The following ZZEF1 variants were observed in gnomAD, a reference collection of about 807,000 sequenced individuals.
The protein encoded by ZZEF1 is zinc finger ZZ-type and EF-hand domain containing 1, also known as zinc finger ZZ-type and EF-hand domain-containing protein 1.
A neutral mutation model predicts 342.8 loss-of-function variants in ZZEF1; 157 were observed. The ratio of observed to expected loss-of-function variants is 0.46; its 90% confidence interval spans 0.40 to 0.52. The LOEUF is 0.52. ZZEF1 is among the 20% of genes least tolerant of loss of function. The pLI is 0.00. For missense variants in ZZEF1, 3,480 were observed against 3,725.6 expected (o/e 0.93, Z 1.72); for synonymous variants, 1,505 against 1,429.1 (o/e 1.05, Z -1.20).
chr17:4,068,047 T>C (rs1452312105), intron 26 of ZZEF1, among the ~76,000 whole-genome samples: 1 of 152,156 alleles, frequency 6.6e-6, no homozygotes, highest in African/African-American at 2.4e-5. Flanking sequence ...CCCTGCACTC[T>C]AGCCTAGGCA....
chr17:4,051,964 G>C lies in ZZEF1; in HGVS notation c.5600+7C>G. ...AGGCTTGGTGGCGACGGTCACTTGAGACATACCCGTAGGAGTATTTCTTCG... is the reference window on the plus strand; with the variant it reads ...AGGCTTGGTGGCGACGGTCACTTGACACATACCCGTAGGAGTATTTCTTCG... On this transcript the variant is annotated splice_region_variant and intron_variant, in intron 35 of 54. Coordinates refer to ENST00000381638, the MANE Select transcript of ZZEF1 (RefSeq NM_015113.4). 1 of 1,613,024 alleles carries C rather than the reference G, an allele frequency of 6.2e-7. No individual in the cohort carries two copies.
chr17:4,088,964 G>A, intron 12 of ZZEF1, 71 bp from the exon 13 acceptor site: 1 of 1,456,026 alleles, frequency 6.9e-7, no homozygotes, highest in Non-Finnish European at 9.4e-7. Context: ...AGGGAAAAAG[G>A]CCTTTCCGGG....
Position 4,021,166 on chromosome 17 carries a change from A to T in ZZEF1, c.7367T>A (p.Leu2456His). ...TCTGGTGGGCTCATCCAGGCCCTCAAGGGGGTCCAGCTTTTTCTGCTCTGG... is the reference window on the plus strand; with the variant it reads ...TCTGGTGGGCTCATCCAGGCCCTCATGGGGGTCCAGCTTTTTCTGCTCTGG... ...GDPEQKKLDP[L>H]EGLDEPTRIC... Residue 2456 changes from leucine (L) to histidine (H), a missense_variant, in exon 45 of 55, where the codon CTT becomes CAT. Leu to His is a moderately conservative substitution (Grantham distance 99). Around this residue, in one of 5 missense-constraint regions of ZZEF1, gnomAD observed 1,269 missense variants for 1,342.4 expected, o/e 0.95. Coordinates refer to ENST00000381638, the MANE Select transcript of ZZEF1 (RefSeq NM_015113.4). The T allele has an allele frequency of 6.2e-7, 1 of 1,613,958 alleles. No individual in the cohort carries two copies. Among genetic ancestry groups the T allele is most frequent in the Non-Finnish European group, 8.5e-7 (1 of 1,179,926 alleles).
chr17:4,088,550 T>C lies in ZZEF1; in HGVS notation c.2241+128A>G, dbSNP rs2145371064. The C allele has an allele frequency of 6.1e-6, 6 of 983,000 alleles. No homozygotes were observed. In the South Asian group the frequency reaches 9.6e-5, roughly 16 times the overall value. 60.9% of individuals were successfully genotyped at this position (983,000 alleles called of 1,614,324 possible). A position where few individuals can be genotyped will look rare whatever the true frequency, so the allele number is the denominator to read the frequency against. ...CACTTTCCTCAGCTTTTCATGTCCC[T>C]GCAGCAGTACAATGCCCATCCTATT... On this transcript the variant is annotated intron_variant, in intron 13 of 54. Transcript: ENST00000381638.
intron 9 of ZZEF1, among the ~76,000 whole-genome samples, chr17:4,100,211 A>T (rs1055510845): frequency 2.6e-5 from 4 of 152,194 alleles, no homozygotes; most frequent in African/African-American, 9.7e-5. Context: ...CAAACCCAAC[A>T]GCTCTGGCCA....
intron 24 of ZZEF1, 65 bp from the exon 25 acceptor site, chr17:4,072,821 T>C (rs924182961): frequency 2.4e-5 from 35 of 1,473,662 alleles, no homozygotes; most frequent in Middle Eastern, 1.9e-4. Context: ...ATCTTTGAAA[T>C]GAGAAAGAAA....
chr17:4,139,398 T>C (rs1335175940), intron 1 of ZZEF1, among the ~76,000 whole-genome samples: 1 of 152,242 alleles, frequency 6.6e-6, no homozygotes, highest in Non-Finnish European at 1.5e-5. Flanking sequence ...TGTTTTACCA[T>C]GTTAGCTCTT....
intron 18 of ZZEF1, 83 bp from the exon 19 acceptor site, chr17:4,078,125 C>G: frequency 2.1e-6 from 3 of 1,399,884 alleles, no homozygotes; most frequent in Non-Finnish European, 2.9e-6. Flanking sequence ...AAAGCAGCAG[C>G]TGTCACCAGC....
At position 4,114,209 on chromosome 17, in the gene ZZEF1, T is replaced by C. The variant is rs2058358019; in HGVS notation, c.866+90A>G. The C allele has an allele frequency of 3.6e-6, 4 of 1,107,202 alleles. No individual in the cohort carries two copies. In the South Asian group the frequency reaches 9.4e-5, roughly 26 times the overall value. The allele number at this position is 1,107,202 out of a possible 1,614,324, so 68.6% of individuals were successfully genotyped here. On this transcript the variant is annotated intron_variant, in intron 4 of 54. Transcript: ENST00000381638. ...CATTTTACTTGATTCTTAAAGCATC[T>C]TCATAGCCACTTAAAATACAAAGAG...
At chr17:4,054,281 T>C (rs1239667195) in intron 33 of ZZEF1, 86 bp from the exon 34 acceptor site, 48 of 1,428,598 alleles carry the variant, frequency 3.4e-5, no homozygotes, top group Non-Finnish European at 4.4e-5. Context: ...CACTAGGTAC[T>C]GAAGATGTTC....
intron 42 of ZZEF1, among the ~76,000 whole-genome samples, chr17:4,025,952 T>C (rs2056393985): frequency 6.6e-6 from 1 of 151,980 alleles, no homozygotes; most frequent in Non-Finnish European, 1.5e-5. Context: ...AATCCAGCAG[T>C]CTCAATGAAT....
Position 4,017,293 on chromosome 17 carries a change from G to C in ZZEF1, c.8001+78C>G. On this transcript the variant is annotated intron_variant, in intron 48 of 54. Coordinates refer to ENST00000381638, the MANE Select transcript of ZZEF1 (RefSeq NM_015113.4). This position sits in a 1 kb window ranked among gnomAD's most constrained non-coding sequence, Gnocchi z 5.1. ...CAGCCACACAGGTAGCCTCGCTCCA[G>C]GAAGCACTCACTGGAGGAAGCCTGT... 1 of 1,525,976 alleles carries C rather than the reference G, an allele frequency of 6.6e-7. No homozygotes were observed. The highest frequency in any genetic ancestry group is 8.8e-7 in the Non-Finnish European group (1 of 1,138,272). 94.5% of individuals were successfully genotyped at this position (1,525,976 alleles called of 1,614,324 possible). A position where few individuals can be genotyped will look rare whatever the true frequency, so the allele number is the denominator to read the frequency against.
intron 19 of ZZEF1, 74 bp from the exon 20 acceptor site, chr17:4,077,063 G>C: frequency 7.2e-7 from 1 of 1,381,858 alleles, no homozygotes; most frequent in African/African-American, 1.5e-5. Flanking sequence ...CCACAGACAA[G>C]AATAAAGAGA....
chr17:4,021,311 T>C lies in ZZEF1; in HGVS notation c.7222A>G (p.Ile2408Val). 6.3e-7 allele frequency: 1 copy of C among 1,599,344 alleles called. No individual in the cohort carries two copies. The highest frequency in any genetic ancestry group is 1.1e-5 in the South Asian group (1 of 89,016). The change falls in exon 45 of 55, where the codon ATC (isoleucine) becomes GTC (valine). Residue 2408 changes from isoleucine (I) to valine (V), a missense_variant. This residue lies in a region of ZZEF1 where 1,269 missense variants were observed against 1,342.4 expected (regional missense o/e 0.95). Transcript: ENST00000381638. ...TCCTTTTTTGAGGAGTACAGCATGA[T>C]GGACAAAATCTACACAGAAAGAAAA... ...WLLRDLEILS[I>V]MLYSSKKEIN...
chr17:4,012,476 T>G (rs1465050498), intron 52 of ZZEF1, among the ~76,000 whole-genome samples: 1 of 152,210 alleles, frequency 6.6e-6, no homozygotes, highest in Non-Finnish European at 1.5e-5. Context: ...TCTGTGTCTG[T>G]GTGCCTTAGA....
intron 14 of ZZEF1, among the ~76,000 whole-genome samples, chr17:4,087,172 G>A (rs1283319490): frequency 2.6e-5 from 4 of 152,166 alleles, no homozygotes; most frequent in South Asian, 4.1e-4. Context: ...GAGCCACCGC[G>A]CCCAGGCAGG....
Position 4,142,813 on chromosome 17 carries a change from GCC to G in ZZEF1, c.81_82del (p.Trp27CysfsTer86). The G allele has an allele frequency of 2.8e-6, 4 of 1,409,416 alleles. No individual in the cohort carries two copies. Among genetic ancestry groups the G allele is most frequent in the Non-Finnish European group, 3.7e-6 (4 of 1,094,174 alleles). The allele number at this position is 1,409,416 out of a possible 1,614,324, so 87.3% of individuals were successfully genotyped here. On this transcript the variant is annotated frameshift_variant, in exon 1 of 55. Coordinates refer to ENST00000381638, the MANE Select transcript of ZZEF1 (RefSeq NM_015113.4). LOFTEE classifies it high-confidence loss of function. ...GCCGGGGGTCGTGCCCGAGACCGCG[GCC>G]CAGTCCTGGTGTGGGCCCCAGCCCT...
chr17:4,076,994 C>T lies in ZZEF1; in HGVS notation c.2990-5G>A, dbSNP rs778476294. On this transcript the variant is annotated splice_polypyrimidine_tract_variant and splice_region_variant and intron_variant, in intron 19 of 54. Transcript: ENST00000381638. ...TTGCCAGAAACTGGCCCACATCTACCGAAACAAAGAAAATAATTAATATAT... is the reference window on the plus strand; with the variant it reads ...TTGCCAGAAACTGGCCCACATCTACTGAAACAAAGAAAATAATTAATATAT... 6.8e-6 allele frequency: 11 copies of T among 1,608,984 alleles called. No individual in the cohort carries two copies. The highest frequency in any genetic ancestry group is 2.2e-5 in the East Asian group (1 of 44,776).
chr17:4,103,019 C>T (rs2058152576), intron 8 of ZZEF1, among the ~76,000 whole-genome samples: 1 of 151,784 alleles, frequency 6.6e-6, no homozygotes. Flanking sequence ...AGAACATTAC[C>T]CCATTCCTTC....
Sources: gnomAD v4.1 joint callset for allele counts (sites outside exome capture counted in the v4.1 genomes callset) on GRCh38, gnomAD v4.1.1 for gene constraint, gnomAD v4.1.1 regional missense constraint, Gnocchi (gnomAD v3.1) non-coding constraint, MANE v1.5 for transcripts, NCBI Gene and HGNC (gene_info 2026-07-23, HGNC 2026-07-21) for gene names.